Variants in PPARGC1B observed in about 807,000 individuals in gnomAD.
PPARGC1B encodes the protein PPARG coactivator 1 beta.
In PPARGC1B, 34 loss-of-function variants were observed where a neutral mutation model predicts 101.6. The ratio of observed to expected loss-of-function variants is 0.33; its 90% CI spans 0.25 to 0.45. The LOEUF is 0.45. Ranked by LOEUF, PPARGC1B falls within the 20% of genes least tolerant of loss-of-function variation. The pLI is 1.00. For missense variants in PPARGC1B, 1,234 were observed against 1,317.6 expected (o/e 0.94, Z 0.98); for synonymous variants, 548 against 539.3 (o/e 1.02, Z -0.22).
chr5:149,805,186 G>A lies in PPARGC1B; in HGVS notation c.79-15247G>A, dbSNP rs114759972. On this transcript the variant is annotated intron_variant, in intron 1 of 11. Transcript: ENST00000309241. ...TTTCAAAGTCACATAGATAACATGG[G>A]GAATGCCCACTTTGCTGGATTCTCA... Among the ~76,000 whole-genome samples, 400 of 152,284 alleles carry A rather than the reference G, an allele frequency of 2.6e-3. 4 individuals carry two copies. Among genetic ancestry groups the A allele is most frequent in the Middle Eastern group, 0.014 (4 of 294 alleles).
rs373369580 is a variant in PPARGC1B at position 149,833,651 on chromosome 5, G to T, written c.1578G>T (p.Thr526=). Residue 526 remains threonine, a synonymous_variant, in exon 5 of 12, where the codon ACG becomes ACT. Transcript: ENST00000309241. This position sits in a 1 kb window ranked among gnomAD's most constrained non-coding sequence, Gnocchi z 4.1. The stretch of plus-strand genomic sequence containing the variant: ...TAGAGCGGGAGCTGGGCAGCCCCAC[G>T]GACGAGGACAGTGGCCAAGACCAGC... The part of the protein sequence containing the change: ...YDVERELGSP[T]DEDSGQDQQL... The T allele has an allele frequency of 1.2e-6, 2 of 1,610,028 alleles. No individual in the cohort carries two copies. Among genetic ancestry groups the T allele is most frequent in the Non-Finnish European group, 1.7e-6 (2 of 1,178,468 alleles).
rs962742613 is a variant in PPARGC1B, at chr5:149,730,562, G to A, written c.78+142G>A. The stretch of plus-strand genomic sequence containing the variant: ...AGGCTGCAGAGCCCCCCTTCCAGGC[G>A]CCCTGCGATGCGCTCCGTTACCGGG... On this transcript the variant is annotated intron_variant, in intron 1 of 11. Coordinates refer to ENST00000309241, the MANE Select transcript of PPARGC1B (RefSeq NM_133263.4). The surrounding 1 kb of genome is among the most constrained non-coding windows in gnomAD (Gnocchi z 4.0). 4 of 591,648 alleles carry A rather than the reference G, an allele frequency of 6.8e-6. No individual in the cohort carries two copies. The highest frequency in any genetic ancestry group is 1.1e-5 in the Non-Finnish European group (4 of 355,872). The allele number at this position is 591,648 out of a possible 1,614,324, so 36.6% of individuals were successfully genotyped here.
chr5:149,748,542 C>T (rs1291033417), intron 1 of PPARGC1B, among the ~76,000 whole-genome samples: 1 of 152,090 alleles, frequency 6.6e-6, no homozygotes, highest in Non-Finnish European at 1.5e-5. Context: ...TGCTCCCTGC[C>T]CTGGATGAAC....
chr5:149,758,404 T>G (rs561254876), intron 1 of PPARGC1B, among the ~76,000 whole-genome samples: 2 of 152,376 alleles, frequency 1.3e-5, no homozygotes, highest in South Asian at 4.1e-4. Context: ...ACCATCTCCA[T>G]TCTCTTAGAG....
chr5:149,765,490 T>A (rs1325711321), intron 1 of PPARGC1B, among the ~76,000 whole-genome samples: 1 of 152,172 alleles, frequency 6.6e-6, no homozygotes, highest in Non-Finnish European at 1.5e-5. Flanking sequence ...TCTCCTCTGG[T>A]CTGTGAGGTC....
At chr5:149,829,850 A>T (rs1758678009) in intron 3 of PPARGC1B, among the ~76,000 whole-genome samples, 1 of 151,886 alleles carries the variant, frequency 6.6e-6, no homozygotes, top group South Asian at 2.1e-4. Context: ...AGCCTGGCCA[A>T]CATGGTAAAA....
At chr5:149,856,771 C>CTT (rs562000427), downstream of PPARGC1B, among the ~76,000 whole-genome samples, 212 of 129,080 alleles carry the variant, frequency 1.6e-3, 1 homozygote, top group Non-Finnish European at 2.5e-3. Flanking sequence ...AGCTGCTTGG[C>CTT]TTTTTTTTTT....
chr5:149,768,804 C>A (rs1193332449), intron 1 of PPARGC1B, among the ~76,000 whole-genome samples: 1 of 152,150 alleles, frequency 6.6e-6, no homozygotes, highest in Non-Finnish European at 1.5e-5. Flanking sequence ...GCGTGAGCCA[C>A]CATGCCTGGC....
intron 1 of PPARGC1B, among the ~76,000 whole-genome samples, chr5:149,801,948 C>T (rs984361633): frequency 6.6e-6 from 1 of 152,158 alleles, no homozygotes; most frequent in African/African-American, 2.4e-5. Flanking sequence ...AAGCCCTTCT[C>T]GTTAATCCTC....
At chr5:149,818,920 G>C (rs1758161815) in intron 1 of PPARGC1B, 2 of 455,790 alleles carry the variant, frequency 4.4e-6, no homozygotes, top group Non-Finnish European at 4.4e-6. Flanking sequence ...CTGGTGAATG[G>C]GGATCTCAAC....
At chr5:149,750,736 T>C (rs995686606) in intron 1 of PPARGC1B, among the ~76,000 whole-genome samples, 3 of 152,142 alleles carry the variant, frequency 2.0e-5, no homozygotes, top group African/African-American at 7.2e-5. Context: ...AATGGGCAAT[T>C]CAATACCAAA....
In PPARGC1B at chr5:149,762,730, G is replaced by A. The variant is rs187020047; in HGVS notation, c.78+32310G>A. Among the ~76,000 whole-genome samples, 5 of 152,290 alleles carry A rather than the reference G, an allele frequency of 3.3e-5. No homozygotes were observed. In the East Asian group the frequency reaches 9.7e-4, roughly 29 times the overall value. ...ATTTGGGGACAGCCTTGGCAACTTG[G>A]GTTTTGAGCTGAATCTCACTTTTAT... On this transcript the variant is annotated intron_variant, in intron 1 of 11. Transcript: ENST00000309241.
intron 1 of PPARGC1B, chr5:149,817,813 G>A (rs1758117372): frequency 6.6e-6 from 3 of 456,584 alleles, no homozygotes; most frequent in South Asian, 4.6e-5. Flanking sequence ...ACAGTTTTCT[G>A]TTTTATAAAC....
chr5:149,807,127 T>G (rs1757631405), intron 1 of PPARGC1B, among the ~76,000 whole-genome samples: 1 of 151,704 alleles, frequency 6.6e-6, no homozygotes, highest in African/African-American at 2.4e-5. Flanking sequence ...GCCTGGCCAA[T>G]TTTTGTATTT....
intron 1 of PPARGC1B, among the ~76,000 whole-genome samples, chr5:149,818,092 C>A (rs956716613): frequency 5.9e-5 from 9 of 152,180 alleles, no homozygotes; most frequent in Admixed American, 2.0e-4. Context: ...CCACTGAGTG[C>A]TGGTGATTTG....
intron 1 of PPARGC1B, among the ~76,000 whole-genome samples, chr5:149,734,879 CT>C (rs1230830332): frequency 6.6e-6 from 1 of 152,148 alleles, no homozygotes; most frequent in Non-Finnish European, 1.5e-5. Context: ...TCATGGGTGA[CT>C]TGTGGTTCTG....
intron 1 of PPARGC1B, among the ~76,000 whole-genome samples, chr5:149,732,617 A>C (rs1304999486): frequency 6.6e-6 from 1 of 152,184 alleles, no homozygotes; most frequent in African/African-American, 2.4e-5. Context: ...CAGGCCGAGG[A>C]TCTTCTGGTG....
chr5:149,786,900 G>T (rs1756830214), intron 1 of PPARGC1B, among the ~76,000 whole-genome samples: 1 of 152,184 alleles, frequency 6.6e-6, no homozygotes, highest in Admixed American at 6.5e-5. Context: ...CTTTCCTCTA[G>T]CATCAGAATG....
At chr5:149,822,171 C>A (rs1017768691) in intron 2 of PPARGC1B, among the ~76,000 whole-genome samples, 1 of 152,146 alleles carries the variant, frequency 6.6e-6, no homozygotes, top group African/African-American at 2.4e-5. Flanking sequence ...TTTTAGGTTG[C>A]AGAGAACTCA....
Sources: gnomAD v4.1 joint callset for allele counts (sites outside exome capture counted in the v4.1 genomes callset) on GRCh38, gnomAD v4.1.1 for gene constraint, Gnocchi (gnomAD v3.1) non-coding constraint, MANE v1.5 for transcripts, NCBI Gene and HGNC (gene_info 2026-07-23, HGNC 2026-07-21) for gene names.